The following EFHC2 variants were observed in gnomAD, a reference collection of about 807,000 sequenced individuals.
EFHC2 encodes the protein EF-hand domain containing 2.
Under a neutral mutation model 52.7 loss-of-function variants are expected in EFHC2, and 18 were observed. The observed-to-expected ratio is 0.34, with a 90% CI of 0.24 to 0.51. The LOEUF (loss-of-function observed/expected upper bound fraction) is 0.51. Among genes scored for constraint, EFHC2 ranks in the 20% least tolerant of loss-of-function variants. EFHC2 has a pLI of 0.97. For missense variants in EFHC2, 513 were observed against 562.5 expected (o/e 0.91, Z 0.89); for synonymous variants, 203 against 204.1 (o/e 0.99, Z 0.04).
At chrX:44,251,147 G>A (rs1202226421) in intron 4 of EFHC2, among the ~76,000 whole-genome samples, 1 of 101,801 alleles carries the variant, frequency 9.8e-6, no homozygotes, top group Admixed American at 1.1e-4. Flanking sequence ...GCTGAGGCAG[G>A]AGAATGGTGT....
intron 3 of EFHC2, among the ~76,000 whole-genome samples, chrX:44,267,304 AAG>A (rs2037585404): frequency 8.9e-6 from 1 of 112,196 alleles, no homozygotes; most frequent in African/African-American, 3.2e-5. Flanking sequence ...TCTAACCGAA[AAG>A]AGAGTGATGT....
intron 7 of EFHC2, among the ~76,000 whole-genome samples, chrX:44,245,953 T>G (rs181079362): frequency 9.0e-6 from 1 of 111,578 alleles, no homozygotes; most frequent in East Asian, 2.8e-4. Flanking sequence ...TGCTGCTGCT[T>G]GTCAGATCCT....
chrX:44,195,676 G>A (rs1022576145), intron 11 of EFHC2, among the ~76,000 whole-genome samples: 1 of 111,007 alleles, frequency 9.0e-6, no homozygotes, highest in Non-Finnish European at 1.9e-5. Context: ...TGACTGAACA[G>A]TATTCTGATG....
chrX:44,253,208 T>G (rs2037465218), intron 4 of EFHC2, among the ~76,000 whole-genome samples: 1 of 109,910 alleles, frequency 9.1e-6, no homozygotes, highest in African/African-American at 3.3e-5. Flanking sequence ...TGGGCAGCTG[T>G]TTGGGCAGAC....
intron 11 of EFHC2, among the ~76,000 whole-genome samples, chrX:44,213,314 T>C (rs1000946937): frequency 1.8e-5 from 2 of 111,528 alleles, no homozygotes; most frequent in Non-Finnish European, 3.8e-5. Flanking sequence ...CAACACTATG[T>C]CGATAAAAAG....
intron 2 of EFHC2, among the ~76,000 whole-genome samples, chrX:44,273,629 T>C (rs769845660): frequency 1.8e-5 from 2 of 111,927 alleles, no homozygotes; most frequent in East Asian, 5.6e-4. Flanking sequence ...TTAGGTGCCA[T>C]GTTGTATGAA....
rs548596810 is a variant in EFHC2 at position 44,333,145 on chromosome X, A to G, written c.42+10402T>C. On this transcript the variant is annotated intron_variant, in intron 1 of 14. Transcript: ENST00000420999. The stretch of plus-strand genomic sequence containing the variant: ...TGAAGGGCAACCCAAAGAGCCACCA[A>G]TCACAGTTTCTTAGTCAACTGAGGA... Among the ~76,000 whole-genome samples the G allele has an allele frequency of 5.4e-5, 6 of 111,775 alleles. No homozygotes were observed. The South Asian group carries it at 2.3e-3, about 42-fold the overall frequency.
chrX:44,228,945 C>T (rs771037956), intron 11 of EFHC2, among the ~76,000 whole-genome samples: 1 of 111,921 alleles, frequency 8.9e-6, no homozygotes, highest in East Asian at 2.8e-4. Context: ...CTAAATGCTC[C>T]ATTCACTTTG....
rs181138142 is a variant in EFHC2 at position 44,324,062 on chromosome X, A to G, written c.43-11306T>C. The stretch of plus-strand genomic sequence containing the variant: ...TAAATTAGCCACAAGATTGGAAATT[A>G]TGGCTTAGGAATCACGCAGCCTGAG... On this transcript the variant is annotated intron_variant, in intron 1 of 14. Coordinates refer to ENST00000420999, the MANE Select transcript of EFHC2 (RefSeq NM_025184.4). Among the ~76,000 whole-genome samples, 26 of 111,419 alleles carry G rather than the reference A, an allele frequency of 2.3e-4. No homozygotes were observed. The East Asian group carries it at 6.8e-3, about 29-fold the overall frequency.
At chrX:44,223,352 A>G (rs2037208340) in intron 11 of EFHC2, among the ~76,000 whole-genome samples, 1 of 112,533 alleles carries the variant, frequency 8.9e-6, no homozygotes, top group Non-Finnish European at 1.9e-5. Context: ...AAGTGCAGCA[A>G]TGAGTCATGG....
At chrX:44,182,251 C>T (rs1185526780) in intron 11 of EFHC2, among the ~76,000 whole-genome samples, 3 of 112,469 alleles carry the variant, frequency 2.7e-5, no homozygotes, top group African/African-American at 9.7e-5. Context: ...ATCAGGACTT[C>T]ATCGTTTTTC....
At chrX:44,297,108 G>A (rs2037831576) in intron 2 of EFHC2, among the ~76,000 whole-genome samples, 1 of 111,827 alleles carries the variant, frequency 8.9e-6, no homozygotes, top group Admixed American at 9.5e-5. Context: ...TGATACTCAC[G>A]GCAACTCTAA....
chrX:44,343,482 C>T (rs1161784386), intron 1 of EFHC2, 65 bp downstream of exon 1: 5 of 1,154,770 alleles, frequency 4.3e-6, no homozygotes, highest in Non-Finnish European at 5.8e-6. Flanking sequence ...GTGGCCACGC[C>T]ACGACCCTGC....
intron 2 of EFHC2, among the ~76,000 whole-genome samples, chrX:44,287,026 TA>T (rs57970615): frequency 0.041 from 617 of 15,181 alleles, 3 homozygotes; most frequent in African/African-American, 0.12. Flanking sequence ...CTCCCATCTC[TA>T]AAAAAAAAAA....
chrX:44,249,716 C>T (rs912487536), intron 5 of EFHC2, among the ~76,000 whole-genome samples: 1 of 112,302 alleles, frequency 8.9e-6, no homozygotes, highest in East Asian at 2.8e-4. Context: ...CTAGTTGCTA[C>T]ATTCAGAAAA....
At chrX:44,225,395 G>T (rs73628327) in intron 11 of EFHC2, among the ~76,000 whole-genome samples, 3,509 of 111,045 alleles carry the variant, frequency 0.032, 158 homozygotes, top group African/African-American at 0.11. Flanking sequence ...TTATACAGAG[G>T]TAGTTTATCA....
intron 11 of EFHC2, among the ~76,000 whole-genome samples, chrX:44,214,014 G>A (rs1014136365): frequency 9.0e-6 from 1 of 111,476 alleles, no homozygotes; most frequent in East Asian, 2.8e-4. Flanking sequence ...TATGTCAAAA[G>A]AAACTTCCAA....
At position 44,328,676 on chromosome X, in the gene EFHC2, G is replaced by GCAA. The variant is rs2038066940; in HGVS notation, c.42+14870_42+14871insTTG. Among the ~76,000 whole-genome samples the GCAA allele has an allele frequency of 2.7e-5, 3 of 111,805 alleles. No homozygotes were observed. The Admixed American group carries it at 2.9e-4, about 11-fold the overall frequency. ...ATCTCTGATTGATTGCAGAAAGTTT[G>GCAA]CATAGGAGTGTAACTATGTAACTTC... On this transcript the variant is annotated intron_variant, in intron 1 of 14. Coordinates refer to ENST00000420999, the MANE Select transcript of EFHC2 (RefSeq NM_025184.4).
At chrX:44,317,894 G>A (rs1179946922) in intron 1 of EFHC2, among the ~76,000 whole-genome samples, 4 of 112,755 alleles carry the variant, frequency 3.5e-5, no homozygotes, top group African/African-American at 1.3e-4. Flanking sequence ...TGAGGATGTG[G>A]AGACATTGGA....
Sources: allele counts gnomAD v4.1 joint callset (sites outside exome capture counted in the v4.1 genomes callset), GRCh38; gene constraint gnomAD v4.1.1; transcripts MANE v1.5; gene names NCBI Gene and HGNC (gene_info 2026-07-23, HGNC 2026-07-21).